ROBO2: variants seen among roughly 807,000 people sequenced by gnomAD.
The protein encoded by ROBO2 is roundabout guidance receptor 2, also known as roundabout homolog 2.
Under a neutral mutation model 160.8 loss-of-function variants are expected in ROBO2, and 53 were observed. The observed-to-expected ratio is 0.33, with a 90% CI of 0.26 to 0.41. ROBO2 has a LOEUF of 0.41. Among genes scored for constraint, ROBO2 ranks in the 10% least tolerant of loss-of-function variants. ROBO2 has a pLI of 1.00. For missense variants in ROBO2, 1,577 were observed against 1,722.4 expected (o/e 0.92, Z 1.49); for synonymous variants, 664 against 611.7 (o/e 1.09, Z -1.26).
chr3:77,510,169 T>C (rs543813062), intron 5 of ROBO2, among the ~76,000 whole-genome samples: 2 of 152,132 alleles, frequency 1.3e-5, no homozygotes, highest in Admixed American at 6.6e-5. Context: ...CAAGAGTGAA[T>C]TGGAGTTTTT....
At chr3:76,877,542 A>G (rs2072877899) in intron 2 of ROBO2, among the ~76,000 whole-genome samples, 2 of 152,200 alleles carry the variant, frequency 1.3e-5, no homozygotes, top group South Asian at 4.1e-4. Flanking sequence ...TACTTCTAGT[A>G]TGAAGTAAAT....
At chr3:76,392,812 A>G (rs1322159407) in intron 2 of ROBO2, among the ~76,000 whole-genome samples, 1 of 152,178 alleles carries the variant, frequency 6.6e-6, no homozygotes, top group Non-Finnish European at 1.5e-5. Context: ...AAATCACTTC[A>G]AAGGAACTGA....
chr3:77,240,426 C>T (rs956214333), intron 2 of ROBO2, among the ~76,000 whole-genome samples: 7 of 152,182 alleles, frequency 4.6e-5, no homozygotes, highest in African/African-American at 1.2e-4. Context: ...CGCTGGCCTG[C>T]GATTGCCGCA....
intron 2 of ROBO2, among the ~76,000 whole-genome samples, chr3:76,823,899 A>G (rs1303649171): frequency 6.6e-6 from 1 of 152,190 alleles, no homozygotes; most frequent in Non-Finnish European, 1.5e-5. Context: ...CAGTTGTTTT[A>G]TGGTAAAACT....
At chr3:76,734,147 G>A (rs3849509) in intron 2 of ROBO2, among the ~76,000 whole-genome samples, 1 of 151,854 alleles carries the variant, frequency 6.6e-6, no homozygotes, top group African/African-American at 2.4e-5. Flanking sequence ...GGGGGCGGGG[G>A]ACAAAAACGT....
At chr3:76,957,365 A>C (rs1204023490) in intron 2 of ROBO2, among the ~76,000 whole-genome samples, 3 of 152,132 alleles carry the variant, frequency 2.0e-5, no homozygotes, top group Non-Finnish European at 4.4e-5. Flanking sequence ...AAAAGAAATT[A>C]AATAGGAGAA....
chr3:77,021,020 C>T lies in ROBO2; in HGVS notation c.110-76994C>T, dbSNP rs148610599. On this transcript the variant is annotated intron_variant, in intron 2 of 26. Coordinates refer to the ROBO2 transcript ENST00000487694. ...AGGGGTTCAAGACCAGTCTGGGCAA[C>T]ATAGTGAGACCTCATCTCTATGAAA... Among the ~76,000 whole-genome samples the T allele has an allele frequency of 8.3e-3, 1,268 of 151,994 alleles. 16 individuals are homozygous for T. Among genetic ancestry groups the T allele is most frequent in the African/African-American group, 0.029 (1,194 of 41,422 alleles).
At chr3:77,422,559 G>A (rs1581814660) in intron 2 of ROBO2, among the ~76,000 whole-genome samples, 2 of 152,168 alleles carry the variant, frequency 1.3e-5, no homozygotes, top group South Asian at 4.1e-4. Context: ...TCAGCTCAAT[G>A]ATATCGAACC....
intron 2 of ROBO2, among the ~76,000 whole-genome samples, chr3:76,991,466 A>G (rs939210592): frequency 1.3e-5 from 2 of 152,182 alleles, no homozygotes; most frequent in African/African-American, 4.8e-5. Context: ...TGTTGCTCAT[A>G]TATCTACAAC....
chr3:76,094,991 TATAAA>T (rs1440243002), intron 2 of ROBO2, among the ~76,000 whole-genome samples: 1 of 152,142 alleles, frequency 6.6e-6, no homozygotes, highest in East Asian at 1.9e-4. Context: ...GATTATATAA[TATAAA>T]CAATAATCTC....
At chr3:76,207,131 A>G (rs1371715716) in intron 2 of ROBO2, among the ~76,000 whole-genome samples, 1 of 152,134 alleles carries the variant, frequency 6.6e-6, no homozygotes, top group Non-Finnish European at 1.5e-5. Flanking sequence ...AAGGCTTTAA[A>G]CCAGTTTTAT....
At chr3:76,091,883 A>T (rs1054119806) in intron 2 of ROBO2, among the ~76,000 whole-genome samples, 3 of 152,194 alleles carry the variant, frequency 2.0e-5, no homozygotes, top group Non-Finnish European at 4.4e-5. Context: ...AAAAGTATAG[A>T]GATAGTAAAA....
chr3:76,232,859 A>G lies in ROBO2; in HGVS notation c.109+295257A>G, dbSNP rs530475236. ...CCCACTCCACCACCACTCTCAGTAT[A>G]TAGCCCAGCCTTTTATCTCACAGAG... On this transcript the variant is annotated intron_variant, in intron 2 of 26. Transcript: ENST00000487694. Among the ~76,000 whole-genome samples, 3 of 152,266 alleles carry G rather than the reference A, an allele frequency of 2.0e-5. No individual in the cohort carries two copies. The South Asian group carries it at 6.2e-4, about 32-fold the overall frequency.
chr3:76,928,751 C>G (rs2077143436), intron 2 of ROBO2, among the ~76,000 whole-genome samples: 1 of 152,162 alleles, frequency 6.6e-6, no homozygotes, highest in Non-Finnish European at 1.5e-5. Flanking sequence ...TTGTTAGTCT[C>G]TCCTCAACTC....
intron 2 of ROBO2, among the ~76,000 whole-genome samples, chr3:76,411,818 T>C (rs2075500566): frequency 6.6e-6 from 1 of 152,232 alleles, no homozygotes; most frequent in South Asian, 2.1e-4. Flanking sequence ...AGAATGTGTA[T>C]ATGTCCTGTG....
intron 2 of ROBO2, among the ~76,000 whole-genome samples, chr3:76,802,052 T>C (rs2064241860): frequency 2.0e-5 from 3 of 152,156 alleles, no homozygotes; most frequent in Admixed American, 1.3e-4. Flanking sequence ...CCAAAAACAA[T>C]TACAACAGTA....
intron 2 of ROBO2, among the ~76,000 whole-genome samples, chr3:76,830,851 T>C (rs1372375288): frequency 1.3e-5 from 2 of 148,506 alleles, no homozygotes; most frequent in Non-Finnish European, 3.0e-5. Context: ...TAGCAGGGGA[T>C]GGTGGTATGT....
intron 22 of ROBO2, among the ~76,000 whole-genome samples, chr3:77,621,139 G>T (rs1364972795): frequency 2.0e-5 from 3 of 152,288 alleles, no homozygotes; most frequent in Non-Finnish European, 2.9e-5. Context: ...TTCTAAAGAA[G>T]GTTGGGCCAA....
chr3:77,615,934 T>C (rs1321257369), intron 21 of ROBO2, among the ~76,000 whole-genome samples: 1 of 152,202 alleles, frequency 6.6e-6, no homozygotes, highest in Non-Finnish European at 1.5e-5. Flanking sequence ...GATGTACATT[T>C]CTGATATTTA....
Sources: gnomAD v4.1 joint callset for allele counts (sites outside exome capture counted in the v4.1 genomes callset) on GRCh38, gnomAD v4.1.1 for gene constraint, MANE v1.5 for transcripts, NCBI Gene and HGNC (gene_info 2026-07-23, HGNC 2026-07-21) for gene names.